The following AZIN2 variants were observed in gnomAD, a reference collection of about 807,000 sequenced individuals.
The protein encoded by AZIN2 is ODC antizyme inhibitor-2.
A neutral mutation model predicts 47.8 loss-of-function variants in AZIN2; 28 were observed. The observed-to-expected ratio is 0.59, with a 90% CI of 0.43 to 0.80. The LOEUF is 0.80. Among genes scored for constraint, AZIN2 ranks in the 30% least tolerant of loss-of-function variants. AZIN2 has a pLI of 0.00. For synonymous variants in AZIN2, 221 were observed against 239.4 expected (o/e 0.92, Z 0.71); for missense variants, 535 against 582.5 (o/e 0.92, Z 0.84).
chr1:33,101,290 C>T (rs1234257178), intron 10 of AZIN2, among the ~76,000 whole-genome samples: 1 of 152,202 alleles, frequency 6.6e-6, no homozygotes, highest in Non-Finnish European at 1.5e-5. Flanking sequence ...TGTCCAGCCT[C>T]AGCCTCCCAA....
chr1:33,120,123 T>C lies in AZIN2; in HGVS notation c.1324T>C (p.Trp442Arg), dbSNP rs1557733618. 1 of 1,613,962 alleles carries C rather than the reference T, an allele frequency of 6.2e-7. No homozygotes were observed. The highest frequency in any genetic ancestry group is 8.5e-7 in the Non-Finnish European group (1 of 1,179,870). Residue 442 changes from tryptophan (W) to arginine (R), a missense_variant, in exon 12 of 12, where the codon TGG (tryptophan) becomes CGG (arginine). Trp to Arg is a moderately radical substitution (Grantham distance 101). This residue lies in a region of AZIN2 where 122 missense variants were observed against 135.8 expected (regional missense o/e 0.90). Coordinates refer to ENST00000294517, the MANE Select transcript of AZIN2 (RefSeq NM_052998.4). ...TGTGTGCAAGCCTCTGTCCTGCGGCTGGGAGATCACAGACACCCTGTGCGT... is the reference window on the plus strand; with the variant it reads ...TGTGTGCAAGCCTCTGTCCTGCGGCCGGGAGATCACAGACACCCTGTGCGT... ...EGVCKPLSCG[W>R]EITDTLCVGP...
At chr1:33,115,407 TAA>T (rs1167438601) in intron 10 of AZIN2, among the ~76,000 whole-genome samples, 4 of 145,456 alleles carry the variant, frequency 2.7e-5, no homozygotes, top group African/African-American at 7.5e-5. Flanking sequence ...ACAGATTCCT[TAA>T]AAAAAAAAAA....
intron 5 of AZIN2, among the ~76,000 whole-genome samples, chr1:33,084,491 C>T (rs1469030189): frequency 1.3e-5 from 2 of 152,092 alleles, no homozygotes; most frequent in African/African-American, 2.4e-5. Context: ...TAATGTGTGG[C>T]GGTGCATTTT....
chr1:33,159,949 G>T, the AZIN2 span: 5 of 1,600,666 alleles, frequency 3.1e-6, no homozygotes, highest in Non-Finnish European at 4.2e-6. This position sits in a 1 kb window ranked among gnomAD's most constrained non-coding sequence, Gnocchi z 4.2. Flanking sequence ...GGAAGACTGT[G>T]GGGGACAGTC....
At position 33,092,187 on chromosome 1, in the gene AZIN2, G is replaced by A. The variant is rs375969209; in HGVS notation, c.417G>A (p.Glu139=). Residue 139 remains glutamate (E), a synonymous_variant, in exon 6 of 12, where the codon GAG becomes GAA. Transcript: ENST00000294517. The part of the protein sequence containing the change: ...IQLLSFDNEM[E]LAKVVKSHPS... ...TGCTGAGCTTTGACAATGAGATGGA[G>A]CTGGCAAAGGTGGTAAAGAGCCACC... is the stretch of plus-strand genomic sequence containing the variant. The A allele has an allele frequency of 6.2e-7, 1 of 1,614,066 alleles. No homozygotes were observed. Among genetic ancestry groups the A allele is most frequent in the African/African-American group, 1.3e-5 (1 of 74,934 alleles).
intron 5 of AZIN2, among the ~76,000 whole-genome samples, chr1:33,086,765 C>G (rs1046255442): frequency 2.0e-5 from 3 of 152,208 alleles, no homozygotes; most frequent in African/African-American, 7.2e-5. Flanking sequence ...CCTCAGCATC[C>G]TCCCATCTTA....
chr1:33,132,552 A>T, the AZIN2 span, among the ~76,000 whole-genome samples: 2 of 152,146 alleles, frequency 1.3e-5, no homozygotes, highest in African/African-American at 4.8e-5. Flanking sequence ...CTCAGTTCAG[A>T]TGCCACTTCT....
chr1:33,152,066 T>C, the AZIN2 span, among the ~76,000 whole-genome samples: 1 of 152,220 alleles, frequency 6.6e-6, no homozygotes, highest in African/African-American at 2.4e-5. Context: ...TCACACTCAC[T>C]AGCTCATGGG....
At chr1:33,147,531 C>T in the AZIN2 span, 335 of 1,613,926 alleles carry the variant, frequency 2.1e-4, 2 homozygotes, top group Middle Eastern at 7.8e-3. The surrounding 1 kb of genome is among the most constrained non-coding windows in gnomAD (Gnocchi z 8.1). Flanking sequence ...GGGTCTTCTC[C>T]GCCACCACCA....
In AZIN2 at chr1:33,081,805, C is replaced by G. The variant is rs1641286450; in HGVS notation, c.-80C>G. 3.9e-6 allele frequency: 1 copy of G among 254,480 alleles called. No individual in the cohort carries two copies. The highest frequency in any genetic ancestry group is 2.3e-5 in the African/African-American group (1 of 42,748). The allele number at this position is 254,480 out of a possible 1,614,324, so 15.8% of individuals were successfully genotyped here. ...GACGCCTTGATGTGGCCACCGGCTA[C>G]CCTCTAGGTGGGCGTGGTCAAGACT... On this transcript the variant is annotated 5_prime_UTR_variant, in exon 3 of 12. Coordinates refer to ENST00000294517, the MANE Select transcript of AZIN2 (RefSeq NM_052998.4). This position sits in a 1 kb window ranked among gnomAD's most constrained non-coding sequence, Gnocchi z 4.2.
At chr1:33,094,252 C>T (rs577461469) in intron 7 of AZIN2, among the ~76,000 whole-genome samples, 66 of 152,314 alleles carry the variant, frequency 4.3e-4, no homozygotes, top group African/African-American at 1.4e-3. Context: ...GCCAAGGCCA[C>T]CCTGCTGACT....
the AZIN2 span, among the ~76,000 whole-genome samples, chr1:33,150,761 G>C: frequency 6.6e-6 from 1 of 152,126 alleles, no homozygotes; most frequent in Middle Eastern, 3.2e-3. Context: ...TGTAGGAGGA[G>C]TGTGTGGTAG....
chr1:33,164,175 G>T, the AZIN2 span: 1 of 152,216 alleles, frequency 6.6e-6, no homozygotes, highest in African/African-American at 2.4e-5. Context: ...CGAGGGTCCT[G>T]CCCAGAGGCA....
intron 9 of AZIN2, chr1:33,097,858 G>T (rs867202599): frequency 6.9e-6 from 4 of 579,222 alleles, no homozygotes; most frequent in Admixed American, 6.7e-5. Flanking sequence ...TGGGCAGGTT[G>T]CTTGGCTGCA....
the AZIN2 span, chr1:33,158,128 C>G: frequency 7.7e-6 from 6 of 783,200 alleles, no homozygotes; most frequent in Admixed American, 1.1e-4. Context: ...CTGGAACACA[C>G]TAGGTGCTCA....
At position 33,081,470 on chromosome 1, in the gene AZIN2, G is replaced by C. The variant is rs1392164819; in HGVS notation, c.-323G>C. 2 of 154,056 alleles carry C rather than the reference G, an allele frequency of 1.3e-5. No individual in the cohort carries two copies. Among genetic ancestry groups the C allele is most frequent in the Non-Finnish European group, 2.9e-5 (2 of 69,146 alleles). 9.5% of individuals were successfully genotyped at this position (154,056 alleles called of 1,614,324 possible). A position where few individuals can be genotyped will look rare whatever the true frequency, so the allele number is the denominator to read the frequency against. ...GTCACCGGCGACCCCCCCTAGCAGC[G>C]CGCCTGGCTCTGGCCCCCGCGAAGG... On this transcript the variant is annotated 5_prime_UTR_variant, in exon 2 of 12. Transcript: ENST00000294517. The surrounding 1 kb of genome is among the most constrained non-coding windows in gnomAD (Gnocchi z 4.2).
the AZIN2 span, among the ~76,000 whole-genome samples, chr1:33,153,197 C>T: frequency 1.3e-5 from 2 of 152,156 alleles, no homozygotes; most frequent in African/African-American, 4.8e-5. Flanking sequence ...GCACCCCTCC[C>T]ATCTGGACAT....
the AZIN2 span, among the ~76,000 whole-genome samples, chr1:33,133,687 G>C: frequency 6.6e-6 from 1 of 152,220 alleles, no homozygotes; most frequent in Admixed American, 6.5e-5. Flanking sequence ...GTTAGGGCAA[G>C]GGCAGTGGAC....
chr1:33,096,478 C>T (rs775905943), intron 8 of AZIN2, among the ~76,000 whole-genome samples: 1 of 152,184 alleles, frequency 6.6e-6, no homozygotes, highest in Non-Finnish European at 1.5e-5. Flanking sequence ...ATTGTGGGGC[C>T]ATGGAGGAGG....
Sources: allele counts gnomAD v4.1 joint callset (sites outside exome capture counted in the v4.1 genomes callset), GRCh38; gene constraint gnomAD v4.1.1; regional missense constraint gnomAD v4.1.1; non-coding constraint Gnocchi (gnomAD v3.1); transcripts MANE v1.5; gene names NCBI Gene and HGNC (gene_info 2026-07-23, HGNC 2026-07-21).